Variants in SDHB observed in about 807,000 individuals in gnomAD.
The protein encoded by SDHB is succinate dehydrogenase complex iron sulfur subunit B, also known as succinate dehydrogenase [ubiquinone] iron-sulfur subunit, mitochondrial.
SDHB carries 21 observed loss-of-function variants against 39.7 expected under a neutral mutation model. The observed-to-expected ratio is 0.53, with a 90% CI of 0.37 to 0.76. The LOEUF (loss-of-function observed/expected upper bound fraction) is 0.76. Ranked by LOEUF, SDHB falls within the 30% of genes least tolerant of loss-of-function variation. SDHB has a pLI of 0.00. For synonymous variants in SDHB, 118 were observed against 117.0 expected, an observed-to-expected ratio of 1.01 and a Z score of -0.06; for missense variants, 343 against 350.9, an observed-to-expected ratio of 0.98 and a Z score of 0.18.
Position 17,033,168 on chromosome 1 carries a change from G to A in SDHB, c.201-23C>T, listed in dbSNP as rs1251501799. The A allele has an allele frequency of 3.9e-6, 6 of 1,557,068 alleles. No individual in the cohort carries two copies. The African/African-American group carries it at 5.4e-5, about 14-fold the overall frequency. Reference sequence around the variant, plus strand: ...CATCTAACAAAGAAAAATATCCAGTGGTATTTATGTAACGTTCAACCTCCC... The same window carrying A: ...CATCTAACAAAGAAAAATATCCAGTAGTATTTATGTAACGTTCAACCTCCC... On this transcript the variant is annotated intron_variant, in intron 2 of 7. Coordinates refer to ENST00000375499, the MANE Select transcript of SDHB (RefSeq NM_003000.3).
chr1:17,025,148 C>A (rs994281647), intron 5 of SDHB, among the ~76,000 whole-genome samples: 1 of 152,204 alleles, frequency 6.6e-6, no homozygotes, highest in African/African-American at 2.4e-5. Context: ...GAAACAATTT[C>A]ATTGTCCAGC....
chr1:17,021,855 C>T (rs998678584), intron 7 of SDHB, among the ~76,000 whole-genome samples: 2 of 152,246 alleles, frequency 1.3e-5, no homozygotes, highest in African/African-American at 4.8e-5. Context: ...GCGCCAGCCT[C>T]TAGAGCTGTG....
At chr1:17,023,694 C>A (rs1265606829) in intron 6 of SDHB, among the ~76,000 whole-genome samples, 2 of 152,174 alleles carry the variant, frequency 1.3e-5, no homozygotes, top group African/African-American at 2.4e-5. Context: ...AGCCTCTGAC[C>A]ACCAGGCAAA....
At chr1:17,048,268 T>A (rs999783688) in intron 1 of SDHB, among the ~76,000 whole-genome samples, 5 of 152,214 alleles carry the variant, frequency 3.3e-5, no homozygotes, top group Admixed American at 2.0e-4. Context: ...TGGCTTTTTT[T>A]ATTCAGCCGA....
chr1:17,022,165 T>C (rs1316496623), intron 7 of SDHB, among the ~76,000 whole-genome samples: 3 of 152,090 alleles, frequency 2.0e-5, no homozygotes, highest in African/African-American at 7.2e-5. Context: ...AGCCAGAGCT[T>C]TGAGTCAGAG....
chr1:17,044,774 C>T lies in SDHB; in HGVS notation c.187G>A (p.Val63Ile), dbSNP rs2078099260. The T allele has an allele frequency of 1.2e-6, 2 of 1,614,130 alleles. No individual in the cohort carries two copies. Among genetic ancestry groups the T allele is most frequent in the Non-Finnish European group, 1.7e-6 (2 of 1,180,006 alleles). ...GDKPHMQTYE[V>I]DLNKCGPMVL... is the part of the protein sequence containing the mutation. ...AGAGATACTCACTTATTAAGGTCAA[C>T]TTCATAAGTCTGCATATGAGGTTTG... is the stretch of plus-strand genomic sequence containing the variant. The change falls in exon 2 of 8, where the codon GTT becomes ATT. Residue 63 changes from valine (V) to isoleucine (I), a missense_variant. Val to Ile is a conservative substitution (Grantham distance 29). Transcript: ENST00000375499.
Position 17,028,710 on chromosome 1 carries a change from T to C in SDHB, c.313A>G (p.Ile105Val), listed in dbSNP as rs1356656612. The change falls in exon 4 of 8, where the codon ATC becomes GTC. Residue 105 changes from isoleucine to valine, a missense_variant. By Grantham distance (29) the Ile-to-Val change is conservative. Transcript: ENST00000375499. ...CAAGCTAGAGTGTTGCCTCCATTGA[T>C]GTTCATTGCACAAGAGCCACAGATG... Reference protein sequence around the residue: ...EGICGSCAMNINGGNTLACTR... With the variant: ...EGICGSCAMNVNGGNTLACTR... The C allele has an allele frequency of 1.2e-6, 2 of 1,614,194 alleles. No homozygotes were observed.
At chr1:17,022,581 G>A in intron 7 of SDHB, 27 bp downstream of exon 7, 1 of 1,613,110 alleles carries the variant, frequency 6.2e-7, no homozygotes, top group South Asian at 1.1e-5. Context: ...CTCTGAGGCA[G>A]AGCTGAGGGT....
At chr1:17,037,497 C>G (rs770602378) in intron 2 of SDHB, among the ~76,000 whole-genome samples, 10 of 150,484 alleles carry the variant, frequency 6.6e-5, no homozygotes, top group Admixed American at 5.3e-4. Context: ...TGCTCTGTTG[C>G]CCAGGCTGGA....
chr1:17,021,470 C>T (rs990968387), intron 7 of SDHB, among the ~76,000 whole-genome samples: 5 of 151,868 alleles, frequency 3.3e-5, no homozygotes, highest in African/African-American at 4.8e-5. Context: ...AGGGGCCGGT[C>T]GCGGTGGCTC....
chr1:17,023,939 C>A, intron 6 of SDHB, 34 bp downstream of exon 6: 1 of 1,519,686 alleles, frequency 6.6e-7, no homozygotes, highest in Non-Finnish European at 9.1e-7. Flanking sequence ...GCTTGAGTTT[C>A]AATTTCTCTT....
chr1:17,048,183 TTC>T (rs1391375917), intron 1 of SDHB, among the ~76,000 whole-genome samples: 2 of 152,224 alleles, frequency 1.3e-5, no homozygotes, highest in African/African-American at 2.4e-5. Context: ...CACTAATCTG[TTC>T]TCTACTTCTC....
intron 7 of SDHB, 67 bp from the exon 8 acceptor site, chr1:17,019,025 T>G: frequency 8.2e-7 from 1 of 1,214,640 alleles, no homozygotes; most frequent in Non-Finnish European, 1.2e-6. Flanking sequence ...CCCACAATCT[T>G]GGGTGAAACT....
chr1:17,022,484 T>G, intron 7 of SDHB, 124 bp downstream of exon 7: 2 of 1,346,232 alleles, frequency 1.5e-6, no homozygotes, highest in South Asian at 2.3e-5. Context: ...AGGACAGGCA[T>G]ATGCTGGTCC....
rs563147793 is a variant in SDHB, at chr1:17,041,577, G to A, written c.200+3184C>T. 8.5e-5 allele frequency among the ~76,000 whole-genome samples: 13 copies of A among 152,122 alleles called. No individual in the cohort carries two copies. The South Asian group carries it at 1.5e-3, about 17-fold the overall frequency. ...CTCAGGAGGCTGAGGCAAGGGAATC[G>A]CTTGAACCCGGGAGGCGGAGGTTGC... On this transcript the variant is annotated intron_variant, in intron 2 of 7. Transcript: ENST00000375499.
At chr1:17,022,473 A>G (rs909310473) in intron 7 of SDHB, 135 bp downstream of exon 7, 2 of 1,252,870 alleles carry the variant, frequency 1.6e-6, no homozygotes, top group Middle Eastern at 2.3e-4. Flanking sequence ...CTCACACTGA[A>G]AGGACAGGCA....
chr1:17,054,012 G>A lies in SDHB; in HGVS notation c.8C>T (p.Ala3Val), dbSNP rs11203289. 6 of 1,610,244 alleles carry A rather than the reference G, an allele frequency of 3.7e-6. No individual in the cohort carries two copies. The highest frequency in any genetic ancestry group is 1.1e-5 in the South Asian group (1 of 90,562). The change falls in exon 1 of 8, where the codon GCG becomes GTG. Residue 3 changes from alanine (A) to valine (V), a missense_variant. Ala to Val is a moderately conservative substitution (Grantham distance 64). Transcript: ENST00000375499. MA[A>V]VVALSLRRRL... ...GCGCCTCAAGGAGAGGGCGACCACC[G>A]CCGCCATCTTGGCTCCTGACGTCAG...
chr1:17,041,324 T>C (rs1270189561), intron 2 of SDHB, among the ~76,000 whole-genome samples: 1 of 152,216 alleles, frequency 6.6e-6, no homozygotes, highest in African/African-American at 2.4e-5. Flanking sequence ...CCACTGAAAT[T>C]TCCTATTTCA....
rs201585157 is a variant in SDHB at position 17,028,620 on chromosome 1, C to T, written c.403G>A (p.Val135Met). The T allele has an allele frequency of 1.9e-5, 31 of 1,614,186 alleles. No individual in the cohort carries two copies. The Admixed American group carries it at 4.2e-4, about 22-fold the overall frequency. The stretch of plus-strand genomic sequence containing the variant: ...CTCACGGGAACAAGATCCTTTATCA[C>T]ATACATGTGTGGAAGAGGGTAGATT... Reference protein sequence around the residue: ...SKIYPLPHMYVIKDLVPDLSN... With the variant: ...SKIYPLPHMYMIKDLVPDLSN... Residue 135 changes from valine (V) to methionine (M), a missense_variant, in exon 4 of 8, where the codon GTG becomes ATG. Transcript: ENST00000375499.
Sources: gnomAD v4.1 joint callset for allele counts (sites outside exome capture counted in the v4.1 genomes callset) on GRCh38, gnomAD v4.1.1 for gene constraint, MANE v1.5 for transcripts, NCBI Gene and HGNC (gene_info 2026-07-23, HGNC 2026-07-21) for gene names.